The following SLCO6A1 variants were observed in gnomAD, a reference collection of about 807,000 sequenced individuals.
SLCO6A1 encodes the protein solute carrier organic anion transporter family member 6A1.
SLCO6A1 carries 65 observed loss-of-function variants against 72.7 expected under a neutral mutation model. The ratio of observed to expected loss-of-function variants is 0.89; its 90% CI spans 0.73 to 1.10. The LOEUF (loss-of-function observed/expected upper bound fraction) is 1.10, where lower values mean the gene tolerates loss of function less well. Ranked by LOEUF, SLCO6A1 falls within the 50% of genes least tolerant of loss-of-function variation. The pLI is 0.00. For missense variants in SLCO6A1, 874 were observed against 872.6 expected (o/e 1.00, Z -0.02); for synonymous variants, 314 against 298.2 (o/e 1.05, Z -0.55).
chr5:102,490,189 A>G (rs1298859348), intron 1 of SLCO6A1, among the ~76,000 whole-genome samples: 2 of 152,164 alleles, frequency 1.3e-5, no homozygotes, highest in Non-Finnish European at 2.9e-5. Context: ...GGGTGACTAG[A>G]GTCACCCTAT....
chr5:102,484,532 T>C (rs962083428), intron 1 of SLCO6A1, among the ~76,000 whole-genome samples: 4 of 151,618 alleles, frequency 2.6e-5, no homozygotes, highest in Non-Finnish European at 5.9e-5. Flanking sequence ...GCCTGTAATC[T>C]CAGCTACTCA....
In SLCO6A1 at chr5:102,419,873, T is replaced by C. The variant is rs766501679; in HGVS notation, c.1425A>G (p.Val475=). ...CAGCAAATTGCACTGGATTACAGCG[T>C]ACAAAAATAATAAACACAAGCAGTA... ...SLILLVFIIF[V]RCNPVQFAGI... The change falls in exon 8 of 14, where the codon GTA becomes GTG. Residue 475 remains valine (V), a synonymous_variant. Coordinates refer to ENST00000506729, the MANE Select transcript of SLCO6A1 (RefSeq NM_173488.5). 1 of 1,608,226 alleles carries C rather than the reference T, an allele frequency of 6.2e-7. No individual in the cohort carries two copies. Among genetic ancestry groups the C allele is most frequent in the Non-Finnish European group, 8.5e-7 (1 of 1,178,400 alleles).
At chr5:102,411,225 A>ATG (rs146638622) in intron 9 of SLCO6A1, among the ~76,000 whole-genome samples, 7 of 151,404 alleles carry the variant, frequency 4.6e-5, no homozygotes, top group Admixed American at 1.3e-4. Context: ...ATATATATAT[A>ATG]TGTGTGTGTG....
intron 1 of SLCO6A1, among the ~76,000 whole-genome samples, chr5:102,482,189 T>C (rs894901425): frequency 2.2e-4 from 33 of 152,276 alleles, no homozygotes; most frequent in Admixed American, 2.0e-4. Flanking sequence ...TTAATTTATA[T>C]GGTTCTCTAC....
In SLCO6A1 at chr5:102,498,222, C is replaced by A. The variant is rs147936987; in HGVS notation, c.358+265G>T. On this transcript the variant is annotated intron_variant, in intron 1 of 13. Transcript: ENST00000506729. Reference sequence around the variant, plus strand: ...AAAAAACTCTGGTCTCCCGCACAGCCGGCTCTGCGTGCCTTACTCTTTCTC... The same window carrying A: ...AAAAAACTCTGGTCTCCCGCACAGCAGGCTCTGCGTGCCTTACTCTTTCTC... Among the ~76,000 whole-genome samples the A allele has an allele frequency of 2.0e-5, 3 of 152,332 alleles. No individual in the cohort carries two copies. The East Asian group carries it at 5.8e-4, about 29-fold the overall frequency.
intron 12 of SLCO6A1, among the ~76,000 whole-genome samples, chr5:102,374,303 T>C (rs1745656320): frequency 6.6e-6 from 1 of 152,164 alleles, no homozygotes; most frequent in African/African-American, 2.4e-5. Flanking sequence ...ACCACCATGC[T>C]TGGCCTATTT....
At position 102,411,812 on chromosome 5, in the gene SLCO6A1, G is replaced by A. The variant is rs186158801; in HGVS notation, c.1626+1178C>T. 6.2e-3 allele frequency among the ~76,000 whole-genome samples: 946 copies of A among 152,202 alleles called. 6 individuals are homozygous for A. Among genetic ancestry groups the A allele is most frequent in the Non-Finnish European group, 9.5e-3 (649 of 68,002 alleles). Reference sequence around the variant, plus strand: ...CTTTGTCATATTTTGAAATGGCCCTGCAAAGCAGTCCTTTGTGGGGGGGAA... The same window carrying A: ...CTTTGTCATATTTTGAAATGGCCCTACAAAGCAGTCCTTTGTGGGGGGGAA... On this transcript the variant is annotated intron_variant, in intron 9 of 13. Coordinates refer to ENST00000506729, the MANE Select transcript of SLCO6A1 (RefSeq NM_173488.5).
At chr5:102,401,726 A>T (rs2112555521) in intron 9 of SLCO6A1, among the ~76,000 whole-genome samples, 1 of 152,242 alleles carries the variant, frequency 6.6e-6, no homozygotes, top group South Asian at 2.1e-4. Flanking sequence ...GCAGTCAGTC[A>T]TTCACAGCTC....
chr5:102,374,554 T>C (rs1171891082), intron 12 of SLCO6A1, among the ~76,000 whole-genome samples: 2 of 152,176 alleles, frequency 1.3e-5, no homozygotes, highest in East Asian at 3.9e-4. Flanking sequence ...CCTCTCTAAG[T>C]GTAAAATATT....
chr5:102,402,627 G>C (rs1285445327), intron 9 of SLCO6A1, among the ~76,000 whole-genome samples: 1 of 152,030 alleles, frequency 6.6e-6, no homozygotes, highest in South Asian at 2.1e-4. Flanking sequence ...AAGGCAAAAT[G>C]GTAAGAGAAC....
At chr5:102,415,235 A>C (rs776444888) in intron 8 of SLCO6A1, among the ~76,000 whole-genome samples, 3 of 152,186 alleles carry the variant, frequency 2.0e-5, no homozygotes, top group African/African-American at 7.2e-5. Flanking sequence ...CAAAACTAGA[A>C]GCCCAAATAG....
chr5:102,419,713 A>G, intron 8 of SLCO6A1, 113 bp downstream of exon 8: 2 of 844,104 alleles, frequency 2.4e-6, no homozygotes, highest in East Asian at 5.9e-5. Context: ...GTGTTTGATA[A>G]TTCCAATAAT....
intron 4 of SLCO6A1, among the ~76,000 whole-genome samples, chr5:102,462,416 T>C (rs6868299): frequency 0.65 from 98,419 of 151,874 alleles, 32,069 homozygotes; most frequent in African/African-American, 0.67. Context: ...TGAAAAAGAG[T>C]CTGCATAGCC....
At chr5:102,445,891 T>G (rs1388207646) in intron 6 of SLCO6A1, among the ~76,000 whole-genome samples, 1 of 152,218 alleles carries the variant, frequency 6.6e-6, no homozygotes, top group African/African-American at 2.4e-5. Flanking sequence ...TGTGCACCTT[T>G]ATTTCTGTGT....
chr5:102,429,747 A>C (rs957317357), intron 7 of SLCO6A1, among the ~76,000 whole-genome samples: 1 of 151,292 alleles, frequency 6.6e-6, no homozygotes, highest in African/African-American at 2.4e-5. Context: ...TGATGCCTCC[A>C]GCTTTGTTCT....
chr5:102,381,563 T>C lies in SLCO6A1; in HGVS notation c.2017+7125A>G, dbSNP rs186888864. 2.4e-4 allele frequency among the ~76,000 whole-genome samples: 36 copies of C among 151,854 alleles called. 2 individuals are homozygous for C. The highest frequency in any genetic ancestry group is 8.4e-4 in the African/African-American group (35 of 41,538). On this transcript the variant is annotated intron_variant, in intron 12 of 13. Transcript: ENST00000506729. Reference sequence around the variant, plus strand: ...GGAATGCAGATATCTCTTAAACATATTGATTTCATTACCTTTGGATATACA... The same window carrying C: ...GGAATGCAGATATCTCTTAAACATACTGATTTCATTACCTTTGGATATACA...
intron 4 of SLCO6A1, among the ~76,000 whole-genome samples, chr5:102,465,451 C>T (rs1561484607): frequency 6.6e-6 from 1 of 152,048 alleles, no homozygotes; most frequent in Non-Finnish European, 1.5e-5. Flanking sequence ...TTTAACTTCC[C>T]ATGCTTATTT....
At chr5:102,482,905 T>C (rs950879745) in intron 1 of SLCO6A1, among the ~76,000 whole-genome samples, 1 of 152,144 alleles carries the variant, frequency 6.6e-6, no homozygotes, top group African/African-American at 2.4e-5. Flanking sequence ...AGGTAACTGG[T>C]TGGTTTCACT....
intron 1 of SLCO6A1, among the ~76,000 whole-genome samples, chr5:102,490,597 C>A (rs996561914): frequency 6.6e-6 from 1 of 152,052 alleles, no homozygotes; most frequent in Non-Finnish European, 1.5e-5. Context: ...TTCTTAAAGG[C>A]GGCATGTCTG....
Sources: allele counts gnomAD v4.1 joint callset (sites outside exome capture counted in the v4.1 genomes callset), GRCh38; gene constraint gnomAD v4.1.1; transcripts MANE v1.5; gene names NCBI Gene and HGNC (gene_info 2026-07-23, HGNC 2026-07-21).